Variants in CDH12 observed in about 807,000 individuals in gnomAD.
The protein encoded by CDH12 is cadherin-12.
A neutral mutation model predicts 74.1 loss-of-function variants in CDH12; 41 were observed. The observed-to-expected ratio is 0.55, with a 90% CI of 0.43 to 0.72. The LOEUF (loss-of-function observed/expected upper bound fraction) is 0.72. Ranked by LOEUF, CDH12 falls within the 30% of genes least tolerant of loss-of-function variation. The pLI, the probability that CDH12 is intolerant of heterozygous loss-of-function variation, is 0.00. For missense variants in CDH12, 945 were observed against 977.2 expected, an observed-to-expected ratio of 0.97 and a Z score of 0.44; for synonymous variants, 399 against 355.0, an observed-to-expected ratio of 1.12 and a Z score of -1.39.
chr5:22,498,555 TTCTC>T (rs1747199099), intron 2 of CDH12, among the ~76,000 whole-genome samples: 1 of 151,970 alleles, frequency 6.6e-6, no homozygotes, highest in African/African-American at 2.4e-5. Context: ...ATTCTTATTT[TTCTC>T]TCTGTCACCC....
chr5:22,048,091 T>C (rs1740090258), intron 5 of CDH12, among the ~76,000 whole-genome samples: 3 of 152,140 alleles, frequency 2.0e-5, no homozygotes, highest in Non-Finnish European at 4.4e-5. Flanking sequence ...TTGTACCCCT[T>C]TTTGCCTGGA....
Position 22,212,504 on chromosome 5 carries a change from T to A in CDH12, c.-193A>T, listed in dbSNP as rs1174392347. The A allele has an allele frequency of 4.1e-6, 4 of 981,354 alleles. No individual in the cohort carries two copies. Among genetic ancestry groups the A allele is most frequent in the Non-Finnish European group, 3.6e-6 (3 of 826,054 alleles). 60.8% of individuals were successfully genotyped at this position (981,354 alleles called of 1,614,324 possible). ...CGGATAAAGCAGCACTTACCTTAAT[T>A]GAAATTTTCTCTGTGAACGAGGTGA... On this transcript the variant is annotated 5_prime_UTR_variant, in exon 4 of 15. Coordinates refer to ENST00000382254, the MANE Select transcript of CDH12 (RefSeq NM_004061.5).
At chr5:22,722,899 C>G (rs920355010) in intron 1 of CDH12, among the ~76,000 whole-genome samples, 1 of 152,118 alleles carries the variant, frequency 6.6e-6, no homozygotes, top group African/African-American at 2.4e-5. Context: ...GTGTGTAATT[C>G]TGCTGTTCCT....
intron 14 of CDH12, 136 bp from the exon 15 acceptor site, chr5:21,752,372 T>C: frequency 1.4e-6 from 1 of 695,350 alleles, no homozygotes; most frequent in Non-Finnish European, 2.4e-6. Context: ...AAACATACCA[T>C]AATCAATAGG....
chr5:22,852,091 T>C (rs1016559170), intron 1 of CDH12, among the ~76,000 whole-genome samples: 2 of 152,042 alleles, frequency 1.3e-5, no homozygotes, highest in Non-Finnish European at 2.9e-5. Context: ...CCCCTCAGTA[T>C]GTAAGGTAAT....
intron 5 of CDH12, among the ~76,000 whole-genome samples, chr5:22,074,867 G>T: frequency 6.6e-6 from 1 of 152,094 alleles, no homozygotes; most frequent in Non-Finnish European, 1.5e-5. Flanking sequence ...TGGTGGGACT[G>T]TAAACTAGTT....
chr5:22,707,260 T>C (rs1743059028), intron 1 of CDH12, among the ~76,000 whole-genome samples: 2 of 152,350 alleles, frequency 1.3e-5, no homozygotes, highest in South Asian at 2.1e-4. Flanking sequence ...CCTTTAACTG[T>C]GCTAATGTAA....
At chr5:22,524,898 T>C (rs1244726599) in intron 1 of CDH12, among the ~76,000 whole-genome samples, 1 of 151,984 alleles carries the variant, frequency 6.6e-6, no homozygotes, top group Non-Finnish European at 1.5e-5. Context: ...GCCATGTTGG[T>C]GTGCTGCACC....
At chr5:22,747,626 A>G (rs947477696) in intron 1 of CDH12, among the ~76,000 whole-genome samples, 1 of 143,078 alleles carries the variant, frequency 7.0e-6, no homozygotes, top group Non-Finnish European at 1.5e-5. Flanking sequence ...AAAAAAAAAG[A>G]GAAGAAAAGA....
chr5:21,933,729 A>G (rs1345904206), intron 6 of CDH12, among the ~76,000 whole-genome samples: 1 of 152,198 alleles, frequency 6.6e-6, no homozygotes, highest in Non-Finnish European at 1.5e-5. Context: ...TGACATAAGA[A>G]TGGGAGATGG....
intron 5 of CDH12, among the ~76,000 whole-genome samples, chr5:22,077,472 C>A (rs777207472): frequency 2.6e-5 from 4 of 152,066 alleles, no homozygotes; most frequent in Non-Finnish European, 4.4e-5. Context: ...CTTCTATAAC[C>A]ATTTCCAAAC....
At chr5:21,837,377 C>T (rs1749592856) in intron 8 of CDH12, among the ~76,000 whole-genome samples, 1 of 150,898 alleles carries the variant, frequency 6.6e-6, no homozygotes, top group Non-Finnish European at 1.5e-5. Context: ...TACACAAAGC[C>T]AAAATGCTTT....
intron 6 of CDH12, among the ~76,000 whole-genome samples, chr5:21,956,153 C>A (rs1756085047): frequency 6.6e-6 from 1 of 151,680 alleles, no homozygotes; most frequent in Non-Finnish European, 1.5e-5. Flanking sequence ...AATGTGATTA[C>A]TTAAATTAAA....
At chr5:22,300,382 T>C (rs1737828384) in intron 3 of CDH12, among the ~76,000 whole-genome samples, 1 of 152,006 alleles carries the variant, frequency 6.6e-6, no homozygotes, top group Middle Eastern at 3.4e-3. Context: ...CTGTCTAATA[T>C]TAGCCCAGGA....
chr5:22,095,762 A>C, intron 4 of CDH12, among the ~76,000 whole-genome samples: 1 of 139,992 alleles, frequency 7.1e-6, no homozygotes, highest in African/African-American at 2.7e-5. Context: ...TTATCTCTGC[A>C]CCCCGATCCC....
intron 6 of CDH12, among the ~76,000 whole-genome samples, chr5:21,880,612 C>CTCTCTCTCTCTCTTTCT (rs1561268318): frequency 7.2e-5 from 5 of 69,930 alleles, no homozygotes; most frequent in African/African-American, 3.3e-4. Context: ...TCCTTCCTTC[C>CTCTCTCTCTCTCTTTCT]TTCCTTCTTT....
rs540516027 is a variant in CDH12, at chr5:22,363,045, G to A, written c.-333+42212C>T. On this transcript the variant is annotated intron_variant, in intron 3 of 14. Transcript: ENST00000382254. Reference sequence around the variant, plus strand: ...ATGTATATGTATGTAACAAACCTGCGCATTGTGCACATGTACCCTAGAACT... The same window carrying A: ...ATGTATATGTATGTAACAAACCTGCACATTGTGCACATGTACCCTAGAACT... 9.2e-5 allele frequency among the ~76,000 whole-genome samples: 14 copies of A among 151,816 alleles called. No individual in the cohort carries two copies. The East Asian group carries it at 1.2e-3, about 13-fold the overall frequency.
intron 3 of CDH12, among the ~76,000 whole-genome samples, chr5:22,244,826 C>A (rs1752890876): frequency 6.7e-6 from 1 of 149,924 alleles, no homozygotes; most frequent in African/African-American, 2.5e-5. Flanking sequence ...GAGTGGGGAG[C>A]TAGAGAGAGA....
Position 22,517,766 on chromosome 5 carries a change from T to C in CDH12, c.-522-12402A>G, listed in dbSNP as rs574987424. 1.4e-4 allele frequency among the ~76,000 whole-genome samples: 21 copies of C among 152,320 alleles called. No individual in the cohort carries two copies. In the South Asian group the frequency reaches 4.1e-3, roughly 30 times the overall value. Reference sequence around the variant, plus strand: ...AGTCATGGTTCCACAGTACAATTAGTTACTTCCTTGTCTCTATTCTCTACT... The same window carrying C: ...AGTCATGGTTCCACAGTACAATTAGCTACTTCCTTGTCTCTATTCTCTACT... On this transcript the variant is annotated intron_variant, in intron 1 of 14. Coordinates refer to ENST00000382254, the MANE Select transcript of CDH12 (RefSeq NM_004061.5).
Sources: allele counts gnomAD v4.1 joint callset (sites outside exome capture counted in the v4.1 genomes callset), GRCh38; gene constraint gnomAD v4.1.1; transcripts MANE v1.5; gene names NCBI Gene and HGNC (gene_info 2026-07-23, HGNC 2026-07-21).